NEK1: variants seen among roughly 807,000 people sequenced by gnomAD.
NEK1 encodes the protein NIMA related kinase 1.
NEK1 carries 137 observed loss-of-function variants against 182.1 expected under a neutral mutation model. The observed-to-expected ratio is 0.75, with a 90% confidence interval of 0.65 to 0.87. The LOEUF (loss-of-function observed/expected upper bound fraction) is 0.87. NEK1 is among the 40% of genes least tolerant of loss of function. The pLI, the probability that NEK1 is intolerant of heterozygous loss-of-function variation, is 0.00. For missense variants in NEK1, 1,391 were observed against 1,494.4 expected (o/e 0.93, Z 1.14); for synonymous variants, 513 against 492.2 (o/e 1.04, Z -0.56).
At chr4:169,489,616 C>A (rs1407318342) in intron 23 of NEK1, among the ~76,000 whole-genome samples, 3 of 152,096 alleles carry the variant, frequency 2.0e-5, no homozygotes, top group Non-Finnish European at 4.4e-5. Context: ...AAAGTCTGGT[C>A]CATTGCTATG....
rs138882026 is a variant in NEK1 at position 169,597,188 on chromosome 4, A to G, written c.312+1912T>C. On this transcript the variant is annotated intron_variant, in intron 5 of 35. Coordinates refer to ENST00000507142, the MANE Select transcript of NEK1 (RefSeq NM_001199397.3). ...TAAAAATAGCATTGTATATACTAAC[A>G]TACATTACTATTTGACCTTCACCAC... 1.1e-4 allele frequency among the ~76,000 whole-genome samples: 17 copies of G among 152,350 alleles called. No homozygotes were observed. The East Asian group carries it at 2.1e-3, about 19-fold the overall frequency.
At chr4:169,427,741 C>T (rs1257250046) in intron 29 of NEK1, among the ~76,000 whole-genome samples, 1 of 152,092 alleles carries the variant, frequency 6.6e-6, no homozygotes, top group Non-Finnish European at 1.5e-5. Flanking sequence ...GGTGATCCAC[C>T]CGCCTCGGCC....
chr4:169,541,143 T>C lies in NEK1; in HGVS notation c.1563-3232A>G, dbSNP rs546556716. Among the ~76,000 whole-genome samples the C allele has an allele frequency of 3.9e-5, 6 of 152,098 alleles. No individual in the cohort carries two copies. The South Asian group carries it at 1.2e-3, about 32-fold the overall frequency. On this transcript the variant is annotated intron_variant, in intron 18 of 35. Transcript: ENST00000507142. ...GTGGTATTGGGCAGAAGAGATGGGG[T>C]GGTACAGGATTACTGAGATGAAAAA...
Position 169,437,565 on chromosome 4 carries a change from C to G in NEK1, c.2764+518G>C, listed in dbSNP as rs894150676. Among the ~76,000 whole-genome samples the G allele has an allele frequency of 5.9e-5, 9 of 152,282 alleles. No homozygotes were observed. The South Asian group carries it at 8.3e-4, about 14-fold the overall frequency. Reference sequence around the variant, plus strand: ...CGGCAGAAGTGATACTGTGCTAGTTCTGAGATCAGCTTTTAAGAGTACAAG... The same window carrying G: ...CGGCAGAAGTGATACTGTGCTAGTTGTGAGATCAGCTTTTAAGAGTACAAG... On this transcript the variant is annotated intron_variant, in intron 28 of 35. Transcript: ENST00000507142.
intron 5 of NEK1, among the ~76,000 whole-genome samples, chr4:169,593,601 A>T (rs939188179): frequency 6.6e-6 from 1 of 152,162 alleles, no homozygotes; most frequent in Non-Finnish European, 1.5e-5. Flanking sequence ...TAAATGTTAC[A>T]TTTTCATTCC....
chr4:169,399,049 G>C (rs1296869096), intron 35 of NEK1, among the ~76,000 whole-genome samples: 5 of 151,438 alleles, frequency 3.3e-5, no homozygotes, highest in African/African-American at 4.9e-5. Flanking sequence ...AGGAGTTCGA[G>C]GCCAGCCTGG....
chr4:169,493,814 T>C (rs961668440), intron 23 of NEK1, among the ~76,000 whole-genome samples: 1 of 152,188 alleles, frequency 6.6e-6, no homozygotes, highest in Non-Finnish European at 1.5e-5. Flanking sequence ...ACCAATGAAT[T>C]ACTGGCATTC....
chr4:169,495,045 G>A (rs1750908382), intron 23 of NEK1, among the ~76,000 whole-genome samples: 1 of 152,076 alleles, frequency 6.6e-6, no homozygotes, highest in Non-Finnish European at 1.5e-5. Context: ...TAGGTTGCCT[G>A]TTCACTCTGA....
chr4:169,552,985 G>A (rs1761649729), intron 18 of NEK1, among the ~76,000 whole-genome samples: 1 of 152,134 alleles, frequency 6.6e-6, no homozygotes, highest in African/African-American at 2.4e-5. Flanking sequence ...TCGTCAAGAT[G>A]TCAGTTCTTC....
chr4:169,577,781 A>G (rs1765953751), intron 11 of NEK1, among the ~76,000 whole-genome samples: 1 of 151,786 alleles, frequency 6.6e-6, no homozygotes, highest in Non-Finnish European at 1.5e-5. Flanking sequence ...TAATAATAAT[A>G]GTTTTTAAAA....
At chr4:169,498,783 C>T (rs1321670959) in intron 23 of NEK1, among the ~76,000 whole-genome samples, 1 of 152,206 alleles carries the variant, frequency 6.6e-6, no homozygotes, top group Non-Finnish European at 1.5e-5. Context: ...AGCTGTTAGT[C>T]TGATGGGCTT....
At chr4:169,429,950 T>C (rs1228678804) in intron 29 of NEK1, among the ~76,000 whole-genome samples, 1 of 152,194 alleles carries the variant, frequency 6.6e-6, no homozygotes, top group East Asian at 1.9e-4. Flanking sequence ...GGTATTGTTT[T>C]GTTGAATGAT....
At chr4:169,466,819 T>C (rs1281515532) in intron 26 of NEK1, among the ~76,000 whole-genome samples, 1 of 151,632 alleles carries the variant, frequency 6.6e-6, no homozygotes, top group African/African-American at 2.4e-5. Context: ...TTAAATCTTT[T>C]TAAAGAATAA....
chr4:169,464,569 A>G (rs745436983), intron 26 of NEK1, among the ~76,000 whole-genome samples: 1 of 152,034 alleles, frequency 6.6e-6, no homozygotes, highest in Non-Finnish European at 1.5e-5. Context: ...AAAGTTTCAG[A>G]TTTTGGGGCA....
intron 4 of NEK1, among the ~76,000 whole-genome samples, chr4:169,599,570 G>C (rs1224316320): frequency 6.6e-6 from 1 of 152,086 alleles, no homozygotes; most frequent in Middle Eastern, 3.2e-3. Flanking sequence ...CATCAGAGAT[G>C]GGTTATCTTA....
intron 18 of NEK1, among the ~76,000 whole-genome samples, chr4:169,552,577 G>A (rs772993278): frequency 2.6e-5 from 4 of 152,016 alleles, no homozygotes; most frequent in Non-Finnish European, 5.9e-5. Context: ...ACATCATATT[G>A]GAAGTTCTAG....
Position 169,434,149 on chromosome 4 carries a change from T to C in NEK1, c.2765-484A>G, listed in dbSNP as rs1737941644. Among the ~76,000 whole-genome samples the C allele has an allele frequency of 2.0e-5, 3 of 151,696 alleles. No homozygotes were observed. In the South Asian group the frequency reaches 6.2e-4, roughly 31 times the overall value. ...TATTACCAGGACTTTCACAATGATATTGAGAACATAATTGAATGGCACTAA... is the reference window on the plus strand; with the variant it reads ...TATTACCAGGACTTTCACAATGATACTGAGAACATAATTGAATGGCACTAA... On this transcript the variant is annotated intron_variant, in intron 28 of 35. Coordinates refer to ENST00000507142, the MANE Select transcript of NEK1 (RefSeq NM_001199397.3).
chr4:169,412,696 T>C (rs1733873168), intron 31 of NEK1, among the ~76,000 whole-genome samples: 1 of 152,108 alleles, frequency 6.6e-6, no homozygotes, highest in Non-Finnish European at 1.5e-5. Context: ...ATAATGGTGA[T>C]TGAAAATAGA....
chr4:169,428,372 A>AT (rs1554029052), intron 29 of NEK1, among the ~76,000 whole-genome samples: 25 of 144,692 alleles, frequency 1.7e-4, no homozygotes, highest in East Asian at 6.0e-4. Flanking sequence ...ATATATATAT[A>AT]ATGGAATATT....
Sources: gnomAD v4.1 joint callset for allele counts (sites outside exome capture counted in the v4.1 genomes callset) on GRCh38, gnomAD v4.1.1 for gene constraint, MANE v1.5 for transcripts, NCBI Gene and HGNC (gene_info 2026-07-23, HGNC 2026-07-21) for gene names.